Variants in PTPRK observed in about 807,000 individuals in gnomAD.
PTPRK encodes protein tyrosine phosphatase receptor type K.
Under a neutral mutation model 178.0 loss-of-function variants are expected in PTPRK, and 75 were observed. The ratio of observed to expected loss-of-function variants is 0.42; its 90% CI spans 0.35 to 0.51. PTPRK has a LOEUF of 0.51. Among genes scored for constraint, PTPRK ranks in the 20% least tolerant of loss-of-function variants. The pLI, the probability that PTPRK is intolerant of heterozygous loss-of-function variation, is 0.02. For missense variants in PTPRK, 1,441 were observed against 1,797.8 expected (o/e 0.80, Z 3.59); for synonymous variants, 637 against 620.6 (o/e 1.03, Z -0.39).
intron 25 of PTPRK, among the ~76,000 whole-genome samples, chr6:127,977,344 A>T (rs1051583882): frequency 3.3e-5 from 5 of 152,238 alleles, no homozygotes; most frequent in Non-Finnish European, 7.3e-5. Context: ...GGACAAATAC[A>T]AAAGAAGAAA....
intron 3 of PTPRK, among the ~76,000 whole-genome samples, chr6:128,280,526 C>T (rs896369148): frequency 4.6e-5 from 7 of 152,096 alleles, no homozygotes; most frequent in African/African-American, 1.7e-4. Flanking sequence ...AACAATACAG[C>T]CCATTGGCCA....
Position 128,007,586 on chromosome 6 carries a change from G to A in PTPRK, c.2333+1544C>T, listed in dbSNP as rs1778582828. 2.0e-5 allele frequency among the ~76,000 whole-genome samples: 3 copies of A among 150,932 alleles called. No individual in the cohort carries two copies. In the South Asian group the frequency reaches 6.2e-4, roughly 31 times the overall value. On this transcript the variant is annotated intron_variant, in intron 14 of 29. Coordinates refer to ENST00000368226, the MANE Select transcript of PTPRK (RefSeq NM_002844.4). ...TAGTGATGGTTTTAGCATACTTTAG[G>A]AGGTTAATTTTTCAATTTTTTCATT...
chr6:128,217,832 T>C (rs925488966), intron 6 of PTPRK, among the ~76,000 whole-genome samples: 1 of 152,142 alleles, frequency 6.6e-6, no homozygotes, highest in Non-Finnish European at 1.5e-5. Flanking sequence ...CCTTCCATGA[T>C]AGTTTTACAG....
chr6:128,407,667 A>C (rs1340740491), intron 1 of PTPRK, among the ~76,000 whole-genome samples: 1 of 151,238 alleles, frequency 6.6e-6, no homozygotes, highest in Non-Finnish European at 1.5e-5. Flanking sequence ...AAGAAGAAGA[A>C]GAAGAAGAAA....
chr6:128,266,009 C>A (rs1465148148), intron 3 of PTPRK, among the ~76,000 whole-genome samples: 1 of 151,970 alleles, frequency 6.6e-6, no homozygotes, highest in Non-Finnish European at 1.5e-5. Flanking sequence ...GAAAATAGAC[C>A]CTCATTAGAC....
At chr6:128,047,368 A>T (rs1169761330) in intron 13 of PTPRK, among the ~76,000 whole-genome samples, 1 of 152,202 alleles carries the variant, frequency 6.6e-6, no homozygotes, top group Non-Finnish European at 1.5e-5. Context: ...ATACAAAATG[A>T]AGAGGTAAAC....
intron 1 of PTPRK, among the ~76,000 whole-genome samples, chr6:128,415,010 T>C (rs1459306421): frequency 6.6e-6 from 1 of 152,194 alleles, no homozygotes; most frequent in Admixed American, 6.5e-5. Flanking sequence ...TATTAATTGG[T>C]GAACTGAAAC....
chr6:128,154,223 G>T (rs2114574867), intron 7 of PTPRK, among the ~76,000 whole-genome samples: 1 of 151,640 alleles, frequency 6.6e-6, no homozygotes, highest in South Asian at 2.1e-4. Context: ...AATTAAAATT[G>T]AGAATTTGTA....
chr6:128,103,905 GGT>G (rs1297069567), intron 7 of PTPRK, among the ~76,000 whole-genome samples: 1 of 152,124 alleles, frequency 6.6e-6, no homozygotes, highest in Non-Finnish European at 1.5e-5. Context: ...TGGAAGGCCA[GGT>G]CCTGCAGATG....
chr6:128,321,779 T>C (rs1828824113), intron 3 of PTPRK: 1 of 702,458 alleles, frequency 1.4e-6, no homozygotes, highest in Non-Finnish European at 2.6e-6. Flanking sequence ...CACATAGAAA[T>C]ACTTTCTCTA....
At chr6:128,354,437 G>T (rs530428075) in intron 2 of PTPRK, among the ~76,000 whole-genome samples, 2 of 151,514 alleles carry the variant, frequency 1.3e-5, no homozygotes, top group Admixed American at 1.3e-4. Context: ...GGGTTTCACC[G>T]TGTTAGCCAG....
chr6:128,354,740 C>T (rs1833735608), intron 2 of PTPRK, among the ~76,000 whole-genome samples: 1 of 152,148 alleles, frequency 6.6e-6, no homozygotes, highest in Non-Finnish European at 1.5e-5. Flanking sequence ...TAGTATTATT[C>T]CTGTTTTACA....
chr6:128,390,836 T>C (rs886082068), intron 2 of PTPRK, among the ~76,000 whole-genome samples: 3 of 152,170 alleles, frequency 2.0e-5, no homozygotes, highest in Admixed American at 6.5e-5. Flanking sequence ...CCTGGTATAG[T>C]AAAACTCAGT....
At chr6:128,442,333 C>T (rs533375643) in intron 1 of PTPRK, among the ~76,000 whole-genome samples, 6 of 152,208 alleles carry the variant, frequency 3.9e-5, no homozygotes, top group African/African-American at 1.4e-4. Context: ...TATCTCTGTC[C>T]ACCTTCTTTT....
intron 23 of PTPRK, 94 bp from the exon 24 acceptor site, chr6:127,983,074 G>A: frequency 7.2e-7 from 1 of 1,379,788 alleles, no homozygotes; most frequent in Non-Finnish European, 9.9e-7. Flanking sequence ...TCTCTATATG[G>A]AAATATGAAT....
At chr6:128,017,029 C>A (rs1040283850) in intron 13 of PTPRK, among the ~76,000 whole-genome samples, 4 of 151,948 alleles carry the variant, frequency 2.6e-5, no homozygotes, top group Non-Finnish European at 4.4e-5. Context: ...AGGCCTAGTT[C>A]TTTTCTTCTT....
At chr6:128,111,064 T>C (rs1489957695) in intron 7 of PTPRK, among the ~76,000 whole-genome samples, 1 of 152,154 alleles carries the variant, frequency 6.6e-6, no homozygotes, top group Non-Finnish European at 1.5e-5. Flanking sequence ...AACATCACAA[T>C]AGTTTTCTAT....
intron 3 of PTPRK, among the ~76,000 whole-genome samples, chr6:128,305,711 A>C (rs911571691): frequency 3.9e-5 from 6 of 152,186 alleles, no homozygotes; most frequent in Non-Finnish European, 8.8e-5. Flanking sequence ...TGCCATAATA[A>C]AATTAATAGC....
chr6:128,474,033 C>T (rs1227125956), intron 1 of PTPRK, among the ~76,000 whole-genome samples: 1 of 152,054 alleles, frequency 6.6e-6, no homozygotes, highest in African/African-American at 2.4e-5. Context: ...CTGTCTTAGG[C>T]TCGAGAAATA....
Sources: allele counts gnomAD v4.1 joint callset (sites outside exome capture counted in the v4.1 genomes callset), GRCh38; gene constraint gnomAD v4.1.1; transcripts MANE v1.5; gene names NCBI Gene and HGNC (gene_info 2026-07-23, HGNC 2026-07-21).